MPP7: variants seen among roughly 807,000 people sequenced by gnomAD.
MPP7 encodes MAGUK p55 scaffold protein 7.
In MPP7, 60 loss-of-function variants were observed where a neutral mutation model predicts 76.5. That is an observed-to-expected ratio of 0.78 (90% CI 0.64 to 0.97). MPP7 has a LOEUF of 0.97. MPP7 is among the 50% of genes least tolerant of loss of function. MPP7 has a pLI of 0.00. For synonymous variants in MPP7, 237 were observed against 244.5 expected, an observed-to-expected ratio of 0.97 and a Z score of 0.29; for missense variants, 641 against 694.0, an observed-to-expected ratio of 0.92 and a Z score of 0.86.
chr10:28,072,082 T>C (rs553568793), intron 12 of MPP7, among the ~76,000 whole-genome samples: 1 of 152,246 alleles, frequency 6.6e-6, no homozygotes, highest in South Asian at 2.1e-4. Context: ...GAGACCAACC[T>C]GGCCAACATG....
chr10:28,175,172 C>T (rs1233790782), intron 3 of MPP7, among the ~76,000 whole-genome samples: 1 of 152,004 alleles, frequency 6.6e-6, no homozygotes, highest in Non-Finnish European at 1.5e-5. Context: ...CACCTATAGT[C>T]CCAGCTACCT....
rs115151392 is a variant in MPP7 at position 28,313,144 on chromosome 10, T to C, written c.-132+16785A>G. ...CCAAAAATTCCCTGTCCCTGGTATATGAGCAGAAAACAAAGGAACTTAATA... is the reference window on the plus strand; with the variant it reads ...CCAAAAATTCCCTGTCCCTGGTATACGAGCAGAAAACAAAGGAACTTAATA... On this transcript the variant is annotated intron_variant, in intron 2 of 11. Transcript: ENST00000441595. 5.5e-3 allele frequency among the ~76,000 whole-genome samples: 834 copies of C among 152,288 alleles called. 11 individuals are homozygous for C. The highest frequency in any genetic ancestry group is 0.02 in the African/African-American group (815 of 41,560).
At chr10:28,077,082 C>CAAAA (rs10577715) in intron 12 of MPP7, among the ~76,000 whole-genome samples, 15,798 of 106,730 alleles carry the variant, frequency 0.15, 1,374 homozygotes, top group East Asian at 0.46. Flanking sequence ...TCTCTAACTA[C>CAAAA]AAAAAAAAAA....
intron 1 of MPP7, among the ~76,000 whole-genome samples, chr10:28,293,285 A>ACACACAGT (rs1183440454): frequency 1.3e-5 from 2 of 152,254 alleles, no homozygotes; most frequent in African/African-American, 4.8e-5. Context: ...GAGGAAAAAC[A>ACACACAGT]CACACAGTAT....
At chr10:28,126,932 C>T (rs1207918584) in intron 6 of MPP7, among the ~76,000 whole-genome samples, 1 of 152,174 alleles carries the variant, frequency 6.6e-6, no homozygotes, top group African/African-American at 2.4e-5. Context: ...CCCCAACCTT[C>T]CAGCTCCAAG....
chr10:28,196,067 A>G (rs1362801464), intron 3 of MPP7, among the ~76,000 whole-genome samples: 1 of 152,240 alleles, frequency 6.6e-6, no homozygotes, highest in Non-Finnish European at 1.5e-5. Flanking sequence ...CACTTATAAC[A>G]AAGACCATTC....
At chr10:28,255,419 CT>C (rs36120518) in intron 1 of MPP7, among the ~76,000 whole-genome samples, 14,213 of 142,838 alleles carry the variant, frequency 0.1, 1,070 homozygotes, top group East Asian at 0.4. Flanking sequence ...CCACCTTTTT[CT>C]TTTTTTTTTT....
chr10:28,223,017 C>T (rs1476992367), intron 2 of MPP7, among the ~76,000 whole-genome samples: 2 of 151,192 alleles, frequency 1.3e-5, no homozygotes, highest in African/African-American at 4.9e-5. Context: ...GCCTGTAGTC[C>T]CAGCTACTCA....
At chr10:28,327,141 GT>G (rs1402853246) in intron 2 of MPP7, among the ~76,000 whole-genome samples, 7 of 150,878 alleles carry the variant, frequency 4.6e-5, no homozygotes, top group African/African-American at 1.7e-4. Context: ...TAAGCCAGGG[GT>G]AAAAATAGCT....
chr10:28,197,226 A>C, intron 3 of MPP7, among the ~76,000 whole-genome samples: 1 of 133,822 alleles, frequency 7.5e-6, no homozygotes, highest in Non-Finnish European at 1.5e-5. Context: ...TCTGTCGCCC[A>C]GGCTGGAGTA....
At chr10:28,147,428 G>A in intron 5 of MPP7, 55 bp downstream of exon 5, 1 of 1,364,482 alleles carries the variant, frequency 7.3e-7, no homozygotes, top group South Asian at 1.2e-5. Flanking sequence ...TCATCTGAAG[G>A]CTCAGAAAGT....
intron 1 of MPP7, among the ~76,000 whole-genome samples, chr10:28,268,560 C>T (rs1281912982): frequency 6.6e-6 from 1 of 151,904 alleles, no homozygotes; most frequent in Non-Finnish European, 1.5e-5. Context: ...GGTGAAACCC[C>T]GTCTCTACTA....
At chr10:28,170,066 T>A (rs1350497390) in intron 3 of MPP7, among the ~76,000 whole-genome samples, 1 of 152,206 alleles carries the variant, frequency 6.6e-6, no homozygotes, top group Admixed American at 6.5e-5. Flanking sequence ...TCAGTAGATA[T>A]CCATAAGTTT....
At chr10:28,217,431 G>T (rs1463293853) in intron 2 of MPP7, among the ~76,000 whole-genome samples, 2 of 151,304 alleles carry the variant, frequency 1.3e-5, no homozygotes, top group Non-Finnish European at 2.9e-5. Flanking sequence ...GGAGGCTGAG[G>T]CACGAGAATC....
At chr10:28,098,281 T>C (rs1162475506) in intron 11 of MPP7, among the ~76,000 whole-genome samples, 1 of 151,716 alleles carries the variant, frequency 6.6e-6, no homozygotes, top group Admixed American at 6.6e-5. Flanking sequence ...TAAAACTACA[T>C]AGTACCATAG....
intron 1 of MPP7, among the ~76,000 whole-genome samples, chr10:28,266,764 G>A (rs1453571874): frequency 6.6e-6 from 1 of 152,088 alleles, no homozygotes; most frequent in African/African-American, 2.4e-5. Flanking sequence ...AATCAGCATT[G>A]TCCCCATGTT....
intron 3 of MPP7, among the ~76,000 whole-genome samples, chr10:28,156,353 G>C (rs1241069883): frequency 6.6e-6 from 1 of 152,136 alleles, no homozygotes. Flanking sequence ...CGCTTCCACT[G>C]GTGTTCCTAG....
At chr10:28,311,583 T>G (rs1258720048) in intron 2 of MPP7, among the ~76,000 whole-genome samples, 1 of 152,178 alleles carries the variant, frequency 6.6e-6, no homozygotes, top group Admixed American at 6.6e-5. Context: ...TATGTCCATT[T>G]GATTGAAATA....
chr10:28,178,418 G>GC (rs1220352932), intron 3 of MPP7, among the ~76,000 whole-genome samples: 1 of 151,626 alleles, frequency 6.6e-6, no homozygotes. Flanking sequence ...TTTGAGGAAA[G>GC]CCCCCACAGG....
Sources: allele counts gnomAD v4.1 joint callset (sites outside exome capture counted in the v4.1 genomes callset), GRCh38; gene constraint gnomAD v4.1.1; transcripts MANE v1.5; gene names NCBI Gene and HGNC (gene_info 2026-07-23, HGNC 2026-07-21).